Variants in GATD1 observed in about 807,000 individuals in gnomAD.
GATD1 encodes glutamine amidotransferase-like class 1 domain-containing protein 1.
Under a neutral mutation model 25.9 loss-of-function variants are expected in GATD1, and 23 were observed. That is an observed-to-expected ratio of 0.89 (90% CI 0.64 to 1.26). The LOEUF (loss-of-function observed/expected upper bound fraction) is 1.26, where lower values mean the gene tolerates loss of function less well. GATD1 is among the 50% of genes most tolerant of loss of function. The pLI is 0.00. For synonymous variants in GATD1, 177 were observed against 134.6 expected, an observed-to-expected ratio of 1.31 and a Z score of -2.18; for missense variants, 347 against 312.5, an observed-to-expected ratio of 1.11 and a Z score of -0.83.
At position 775,134 on chromosome 11, in the gene GATD1, C is replaced by T. The variant is rs758603874; in HGVS notation, c.73G>A (p.Ala25Thr). 152 of 1,601,586 alleles carry T rather than the reference C, an allele frequency of 9.5e-5. 2 individuals are homozygous for T. The Admixed American group carries it at 2.6e-3, about 28-fold the overall frequency. The part of the protein sequence containing the change: ...VASGAAEGVS[A>T]QSFLHCFTMA... ...GTGAAACAGTGGAGGAAGGACTGGG[C>T]CGACACACCTGCAGAAGGTCCCAGT... Residue 25 changes from alanine to threonine, a missense_variant, in exon 2 of 8, where the codon GCC becomes ACC. Physicochemically the swap from Ala to Thr is moderately conservative, Grantham distance 58 (BLOSUM62 0). Coordinates refer to ENST00000319863, the MANE Select transcript of GATD1 (RefSeq NM_182612.4).
At position 773,637 on chromosome 11, in the gene GATD1, G is replaced by T; in HGVS notation, c.248-8C>A. 1.9e-6 allele frequency: 3 copies of T among 1,596,088 alleles called. No homozygotes were observed. The highest frequency in any genetic ancestry group is 2.6e-6 in the Non-Finnish European group (3 of 1,171,010). ...GGGCATGGTACCGGGCACCTGGGGG[G>T]AGACCACAAACCAGGTAGCAGCCAC... On this transcript the variant is annotated splice_polypyrimidine_tract_variant and splice_region_variant and intron_variant, in intron 3 of 7. Coordinates refer to ENST00000319863, the MANE Select transcript of GATD1 (RefSeq NM_182612.4).
Position 770,764 on chromosome 11 carries a change from T to C in GATD1, c.*133A>G. On this transcript the variant is annotated 3_prime_UTR_variant, in exon 8 of 8. Transcript: ENST00000319863. ...GCTGATTCCAGGAGGCCTCCAACAATCCCATCAGGGCCAGACCAGGCTGCC... is the reference window on the plus strand; with the variant it reads ...GCTGATTCCAGGAGGCCTCCAACAACCCCATCAGGGCCAGACCAGGCTGCC... 1 of 1,508,842 alleles carries C rather than the reference T, an allele frequency of 6.6e-7. No homozygotes were observed. 93.5% of individuals were successfully genotyped at this position (1,508,842 alleles called of 1,614,324 possible). A position where few individuals can be genotyped will look rare whatever the true frequency, so the allele number is the denominator to read the frequency against.
rs1238462055 is a variant in GATD1, at chr11:767,322, G to C, written c.*3575C>G. Reference sequence around the variant, plus strand: ...CCCTCCGCTGCTCTTCTGGAGGTCTGTCCTCTTGCTTTCCTCCTCTGCCCC... The same window carrying C: ...CCCTCCGCTGCTCTTCTGGAGGTCTCTCCTCTTGCTTTCCTCCTCTGCCCC... On this transcript the variant is annotated 3_prime_UTR_variant, in exon 8 of 8. Coordinates refer to ENST00000319863, the MANE Select transcript of GATD1 (RefSeq NM_182612.4). 3.3e-6 allele frequency: 5 copies of C among 1,536,142 alleles called. No homozygotes were observed. Among genetic ancestry groups the C allele is most frequent in the Non-Finnish European group, 3.5e-6 (4 of 1,146,956 alleles).
At chr11:771,697 AG>A (rs1314888020) in intron 5 of GATD1, among the ~76,000 whole-genome samples, 1 of 152,128 alleles carries the variant, frequency 6.6e-6, no homozygotes, top group Non-Finnish European at 1.5e-5. Context: ...GACTAGAATG[AG>A]AAGGGCTTGG....
rs1863364584 is a variant in GATD1, at chr11:770,855, AGACACCTGGGCTGTCTCAGGG to A, written c.*21_*41del. On this transcript the variant is annotated 3_prime_UTR_variant, in exon 8 of 8. Transcript: ENST00000319863. ...AAGCCTGAGACGGGGCTGCCTCTGG[AGACACCTGGGCTGTCTCAGGG>A]GGTGCATCTACCCAGCAGGTTCATT... The A allele has an allele frequency of 1.3e-6, 2 of 1,573,904 alleles. No individual in the cohort carries two copies. The highest frequency in any genetic ancestry group is 1.7e-6 in the Non-Finnish European group (2 of 1,156,794).
Position 770,181 on chromosome 11 carries a change from C to T in GATD1, c.*716G>A, listed in dbSNP as rs551883819. The T allele has an allele frequency of 3.7e-5, 47 of 1,278,744 alleles. No individual in the cohort carries two copies. The highest frequency in any genetic ancestry group is 8.6e-5 in the South Asian group (3 of 34,706). The allele number at this position is 1,278,744 out of a possible 1,614,324, so 79.2% of individuals were successfully genotyped here. On this transcript the variant is annotated 3_prime_UTR_variant, in exon 8 of 8. Transcript: ENST00000319863. Reference sequence around the variant, plus strand: ...TGGACCACTGTCTGCTCTTGATAGCCGCTCTACCCGAGGCCACTGTGCAAG... The same window carrying T: ...TGGACCACTGTCTGCTCTTGATAGCTGCTCTACCCGAGGCCACTGTGCAAG...
In GATD1 at chr11:770,532, G is replaced by A; in HGVS notation, c.*365C>T. The A allele has an allele frequency of 7.1e-7, 1 of 1,415,696 alleles. No homozygotes were observed. Among genetic ancestry groups the A allele is most frequent in the Non-Finnish European group, 9.2e-7 (1 of 1,086,828 alleles). The allele number at this position is 1,415,696 out of a possible 1,614,324, so 87.7% of individuals were successfully genotyped here. ...GGCCACAGCAGGGCAAACCCACACA[G>A]AGGACCCCCGAGCCGACTCTGTCTA... On this transcript the variant is annotated 3_prime_UTR_variant, in exon 8 of 8. Coordinates refer to ENST00000319863, the MANE Select transcript of GATD1 (RefSeq NM_182612.4).
At chr11:771,255 A>G (rs1863413263) in intron 6 of GATD1, 78 bp downstream of exon 6, 1 of 1,560,688 alleles carries the variant, frequency 6.4e-7, no homozygotes, top group Non-Finnish European at 8.7e-7. Context: ...AGGGCCCAGG[A>G]GGCTTCTCCC....
At position 770,689 on chromosome 11, in the gene GATD1, G is replaced by A. The variant is rs907251051; in HGVS notation, c.*208C>T. The stretch of plus-strand genomic sequence containing the variant: ...TTCTCTGCCTCCTACCAGAGAACAT[G>A]CAGGAGGATGGGGGTTTGGACCCTC... On this transcript the variant is annotated 3_prime_UTR_variant, in exon 8 of 8. Coordinates refer to ENST00000319863, the MANE Select transcript of GATD1 (RefSeq NM_182612.4). The A allele has an allele frequency of 3.0e-5, 43 of 1,428,674 alleles. No homozygotes were observed. In the African/African-American group the frequency reaches 5.4e-4, roughly 18 times the overall value. 88.5% of individuals were successfully genotyped at this position (1,428,674 alleles called of 1,614,324 possible). A position where few individuals can be genotyped will look rare whatever the true frequency, so the allele number is the denominator to read the frequency against.
chr11:774,367 G>A (rs1863755825), intron 2 of GATD1, among the ~76,000 whole-genome samples: 1 of 152,244 alleles, frequency 6.6e-6, no homozygotes, highest in South Asian at 2.1e-4. Flanking sequence ...AACCCGCAGT[G>A]ACAAATACAT....
chr11:767,262 G>C lies in GATD1; in HGVS notation c.*3635C>G. ...ATGGTTTTATTCCTCATGGGTAGAT[G>C]AACACACACTGGTATATGGGGAAAT... On this transcript the variant is annotated 3_prime_UTR_variant, in exon 8 of 8. Coordinates refer to ENST00000319863, the MANE Select transcript of GATD1 (RefSeq NM_182612.4). The C allele has an allele frequency of 6.5e-7, 1 of 1,536,116 alleles. No homozygotes were observed. The highest frequency in any genetic ancestry group is 8.7e-7 in the Non-Finnish European group (1 of 1,146,896).
At chr11:773,813 A>T (rs1863691759) in intron 3 of GATD1, among the ~76,000 whole-genome samples, 184 bp from the exon 4 acceptor site, 1 of 152,058 alleles carries the variant, frequency 6.6e-6, no homozygotes, top group South Asian at 2.1e-4. Flanking sequence ...CTGTCTCCAC[A>T]CACTCACCAA....
chr11:769,162 A>T lies in GATD1; in HGVS notation c.*1735T>A. 1.0e-6 allele frequency: 1 copy of T among 985,390 alleles called. No homozygotes were observed. Among genetic ancestry groups the T allele is most frequent in the South Asian group, 4.7e-5 (1 of 21,288 alleles). The allele number at this position is 985,390 out of a possible 1,614,324, so 61.0% of individuals were successfully genotyped here. On this transcript the variant is annotated 3_prime_UTR_variant, in exon 8 of 8. Coordinates refer to ENST00000319863, the MANE Select transcript of GATD1 (RefSeq NM_182612.4). Reference sequence around the variant, plus strand: ...AGGTCCATCACCACACGGGGATGAGAGTGGACCCGGGACAGAGCAAGGCCC... The same window carrying T: ...AGGTCCATCACCACACGGGGATGAGTGTGGACCCGGGACAGAGCAAGGCCC...
Position 770,702 on chromosome 11 carries a change from G to C in GATD1, c.*195C>G, listed in dbSNP as rs1357048018. ...ACCAGAGAACATGCAGGAGGATGGGGGTTTGGACCCTCCAGGAGAGCCGAC... is the reference window on the plus strand; with the variant it reads ...ACCAGAGAACATGCAGGAGGATGGGCGTTTGGACCCTCCAGGAGAGCCGAC... On this transcript the variant is annotated 3_prime_UTR_variant, in exon 8 of 8. Transcript: ENST00000319863. 2.1e-5 allele frequency: 30 copies of C among 1,441,568 alleles called. No individual in the cohort carries two copies. The highest frequency in any genetic ancestry group is 2.6e-5 in the Non-Finnish European group (29 of 1,102,530). The allele number at this position is 1,441,568 out of a possible 1,614,324, so 89.3% of individuals were successfully genotyped here.
intron 3 of GATD1, 127 bp downstream of exon 3, chr11:773,881 G>C (rs1590093028): frequency 2.4e-6 from 2 of 818,682 alleles, no homozygotes; most frequent in South Asian, 3.4e-5. Context: ...GCTGGAGGCT[G>C]CCCCAAATGG....
intron 2 of GATD1, 29 bp from the exon 3 acceptor site, chr11:774,142 G>A: frequency 1.9e-6 from 3 of 1,582,376 alleles, no homozygotes; most frequent in Non-Finnish European, 2.6e-6. Flanking sequence ...GGGGCCGAGG[G>A]TCAGCACCAG....
intron 5 of GATD1, among the ~76,000 whole-genome samples, chr11:771,632 G>A (rs1306288728): frequency 1.5e-4 from 23 of 152,202 alleles, no homozygotes; most frequent in South Asian, 2.1e-4. Flanking sequence ...CCCTGAGAGC[G>A]ACACGGCCAC....
In GATD1 at chr11:771,268, A is replaced by C. The variant is rs774402089; in HGVS notation, c.544+65T>G. ...CCAGGGCCCAGGAGGCTTCTCCCCCAGGCTGCAGCAGGGAAGCCCCCCACC... is the reference window on the plus strand; with the variant it reads ...CCAGGGCCCAGGAGGCTTCTCCCCCCGGCTGCAGCAGGGAAGCCCCCCACC... On this transcript the variant is annotated intron_variant, in intron 6 of 7. Transcript: ENST00000319863. The C allele has an allele frequency of 1.1e-4, 168 of 1,572,056 alleles. 2 individuals are homozygous for C. In the Middle Eastern group the frequency reaches 6.3e-3, roughly 59 times the overall value.
rs996364876 is a variant in GATD1 at position 769,819 on chromosome 11, T to C, written c.*1078A>G. The C allele has an allele frequency of 4.7e-6, 3 of 642,694 alleles. No individual in the cohort carries two copies. Among genetic ancestry groups the C allele is most frequent in the African/African-American group, 4.0e-5 (2 of 50,306 alleles). The allele number at this position is 642,694 out of a possible 1,614,324, so 39.8% of individuals were successfully genotyped here. A position where few individuals can be genotyped will look rare whatever the true frequency, so the allele number is the denominator to read the frequency against. On this transcript the variant is annotated 3_prime_UTR_variant, in exon 8 of 8. Coordinates refer to ENST00000319863, the MANE Select transcript of GATD1 (RefSeq NM_182612.4). ...TTTTAGTAGAGATGGGGTTTCACCATGTTAGCCAGGATGGTCTCGATCTCC... is the reference window on the plus strand; with the variant it reads ...TTTTAGTAGAGATGGGGTTTCACCACGTTAGCCAGGATGGTCTCGATCTCC...
Sources: allele counts gnomAD v4.1 joint callset (sites outside exome capture counted in the v4.1 genomes callset), GRCh38; gene constraint gnomAD v4.1.1; transcripts MANE v1.5; gene names NCBI Gene and HGNC (gene_info 2026-07-23, HGNC 2026-07-21).